The following SCN1B variants were observed in gnomAD, a reference collection of about 807,000 sequenced individuals.
SCN1B encodes the protein sodium channel regulatory subunit beta-1.
In SCN1B, 11 loss-of-function variants were observed where a neutral mutation model predicts 25.7. The observed-to-expected ratio is 0.43, with a 90% CI of 0.27 to 0.71. The LOEUF (loss-of-function observed/expected upper bound fraction) is 0.71, where lower values mean the gene tolerates loss of function less well. SCN1B is among the 30% of genes least tolerant of loss of function. The pLI is 0.21. For synonymous variants in SCN1B, 119 were observed against 117.5 expected (o/e 1.01, Z -0.08); for missense variants, 224 against 291.5 (o/e 0.77, Z 1.69).
At chr19:35,038,806 C>A in intron 3 of SCN1B, 1 of 441,744 alleles carries the variant, frequency 2.3e-6, no homozygotes, top group Non-Finnish European at 4.3e-6. Flanking sequence ...GAGTCACTTG[C>A]GCAAGGTCAC....
At position 35,034,248 on chromosome 19, in the gene SCN1B, G is replaced by C. The variant is rs1044171971; in HGVS notation, c.448+509G>C. The C allele has an allele frequency of 3.8e-5, 53 of 1,384,024 alleles. No individual in the cohort carries two copies. The Admixed American group carries it at 4.3e-4, about 11-fold the overall frequency. The allele number at this position is 1,384,024 out of a possible 1,614,324, so 85.7% of individuals were successfully genotyped here. A position where few individuals can be genotyped will look rare whatever the true frequency, so the allele number is the denominator to read the frequency against. On this transcript the variant is annotated intron_variant, in intron 3 of 5. Coordinates refer to ENST00000262631, the MANE Select transcript of SCN1B (RefSeq NM_001037.5). ...TGCCCTCTGTGGTGATGAGGCAAGAGAGCGTGCCACCTAGAGCAGAGTTCC... is the reference window on the plus strand; with the variant it reads ...TGCCCTCTGTGGTGATGAGGCAAGACAGCGTGCCACCTAGAGCAGAGTTCC...
chr19:35,040,035 C>T lies in SCN1B; in HGVS notation c.*244C>T. On this transcript the variant is annotated 3_prime_UTR_variant, in exon 6 of 6. Transcript: ENST00000262631. ...GATGGGTAAAGCAATACTGCCGCTG[C>T]CCCCACCCTGCTTCTGCTGCCTGTT... The T allele has an allele frequency of 2.6e-6, 1 of 384,688 alleles. No homozygotes were observed. The highest frequency in any genetic ancestry group is 4.9e-6 in the Non-Finnish European group (1 of 204,024). The allele number at this position is 384,688 out of a possible 1,614,324, so 23.8% of individuals were successfully genotyped here.
At position 35,040,133 on chromosome 19, in the gene SCN1B, G is replaced by C. The variant is rs1405593235; in HGVS notation, c.*342G>C. 4.8e-6 allele frequency: 1 copy of C among 207,822 alleles called. No homozygotes were observed. Among genetic ancestry groups the C allele is most frequent in the Non-Finnish European group, 1.0e-5 (1 of 100,102 alleles). 12.9% of individuals were successfully genotyped at this position (207,822 alleles called of 1,614,324 possible). On this transcript the variant is annotated 3_prime_UTR_variant, in exon 6 of 6. Coordinates refer to ENST00000262631, the MANE Select transcript of SCN1B (RefSeq NM_001037.5). ...CCTTGCTGATTTGCACACATTGGCC[G>C]CTTCAGACACGCACTTCTGGGGCCA...
intron 2 of SCN1B, among the ~76,000 whole-genome samples, chr19:35,033,288 C>T (rs1222701518): frequency 6.6e-6 from 1 of 152,024 alleles, no homozygotes. Context: ...TGCTCGTGTG[C>T]ATCTTGGCTA....
intron 3 of SCN1B, chr19:35,034,328 T>G: frequency 3.0e-6 from 2 of 668,862 alleles, no homozygotes; most frequent in Middle Eastern, 4.3e-4. Context: ...GCAGTCTCAC[T>G]CAACACCTCT....
intron 3 of SCN1B, chr19:35,034,212 C>A: frequency 6.6e-7 from 1 of 1,506,592 alleles, no homozygotes; most frequent in Non-Finnish European, 8.9e-7. Flanking sequence ...GTTCGAGTAG[C>A]TCAGCCCTGC....
In SCN1B at chr19:35,030,866, T is replaced by A; in HGVS notation, c.40+6T>A. 1.3e-6 allele frequency: 1 copy of A among 775,494 alleles called. No homozygotes were observed. Among genetic ancestry groups the A allele is most frequent in the Non-Finnish European group, 1.6e-6 (1 of 611,178 alleles). 48.0% of individuals were successfully genotyped at this position (775,494 alleles called of 1,614,324 possible). ...AGTGGTCGGCGCGGCACTGGGTGAG[T>A]GCGCGGGGGGCGCGCGCGGCCGGGG... is the stretch of plus-strand genomic sequence containing the variant. On this transcript the variant is annotated splice_donor_region_variant and intron_variant, in intron 1 of 5. Coordinates refer to ENST00000262631, the MANE Select transcript of SCN1B (RefSeq NM_001037.5).
chr19:35,039,269 T>A lies in SCN1B; in HGVS notation c.590+11T>A. 1 of 1,611,190 alleles carries A rather than the reference T, an allele frequency of 6.2e-7. No homozygotes were observed. The highest frequency in any genetic ancestry group is 8.5e-7 in the Non-Finnish European group (1 of 1,179,888). ...TGCACAGGAGAATGCGTGAGTAGGG[T>A]GGCTGGGAGGTGGGAGGGCACCCAG... On this transcript the variant is annotated intron_variant, in intron 4 of 5. Coordinates refer to ENST00000262631, the MANE Select transcript of SCN1B (RefSeq NM_001037.5).
rs1208539230 is a variant in SCN1B at position 35,039,707 on chromosome 19, G to A, written c.*5+1G>A. ...GCGTCCAGGTGGCCGAATAGCCCTGGTAAGGCGGATGGGCTGGCAGAGGGG... is the reference window on the plus strand; with the variant it reads ...GCGTCCAGGTGGCCGAATAGCCCTGATAAGGCGGATGGGCTGGCAGAGGGG... On this transcript the variant is annotated splice_donor_variant, in intron 5 of 5. Coordinates refer to ENST00000262631, the MANE Select transcript of SCN1B (RefSeq NM_001037.5). LOFTEE classifies it low-confidence loss of function (3UTR_SPLICE). The A allele has an allele frequency of 1.9e-6, 3 of 1,614,114 alleles. No individual in the cohort carries two copies. Among genetic ancestry groups the A allele is most frequent in the Non-Finnish European group, 2.5e-6 (3 of 1,179,974 alleles).
chr19:35,039,404 T>G, intron 4 of SCN1B, 146 bp downstream of exon 4: 1 of 1,202,818 alleles, frequency 8.3e-7, no homozygotes. Flanking sequence ...GTGCTCCCTG[T>G]CAGACACAGG....
At chr19:35,039,365 C>T (rs1005749578) in intron 4 of SCN1B, 107 bp downstream of exon 4, 150 of 1,496,512 alleles carry the variant, frequency 1.0e-4, no homozygotes, top group Non-Finnish European at 1.3e-4. Context: ...CGGCCCAGGG[C>T]GCCATCTCTC....
In SCN1B at chr19:35,032,497, T is replaced by G. The variant is rs2064220069; in HGVS notation, c.41-31T>G. The stretch of plus-strand genomic sequence containing the variant: ...GGCATTGCTTAGGGCAATGGGTGCC[T>G]CTGCCTGACCTGAGCCTGCTGTCCC... On this transcript the variant is annotated intron_variant, in intron 1 of 5. Coordinates refer to ENST00000262631, the MANE Select transcript of SCN1B (RefSeq NM_001037.5). The surrounding 1 kb of genome is among the most constrained non-coding windows in gnomAD (Gnocchi z 4.3). 2 of 1,612,058 alleles carry G rather than the reference T, an allele frequency of 1.2e-6. No individual in the cohort carries two copies. Among genetic ancestry groups the G allele is most frequent in the Non-Finnish European group, 1.7e-6 (2 of 1,179,966 alleles).
Position 35,033,705 on chromosome 19 carries a change from C to G in SCN1B, c.414C>G (p.Val138=), listed in dbSNP as rs757116018. 2 of 1,614,058 alleles carry G rather than the reference C, an allele frequency of 1.2e-6. No homozygotes were observed. Among genetic ancestry groups the G allele is most frequent in the African/African-American group, 2.7e-5 (2 of 74,914 alleles). The part of the protein sequence containing the change: ...FFENYEHNTS[V]VKKIHIEVVD... ...AAAACTACGAGCACAACACCAGCGT[C>G]GTCAAGAAGATCCACATTGAGGTAG... The change falls in exon 3 of 6, where the codon GTC becomes GTG. Residue 138 remains valine, a synonymous_variant. Transcript: ENST00000262631.
At position 35,030,727 on chromosome 19, in the gene SCN1B, G is replaced by T; in HGVS notation, c.-94G>T. On this transcript the variant is annotated 5_prime_UTR_variant, in exon 1 of 6. Coordinates refer to ENST00000262631, the MANE Select transcript of SCN1B (RefSeq NM_001037.5). ...GCAGCTGCTGCGCCCGCGCGCTCCC[G>T]GGGACATTCTAACCGCCGCCAGGTC... 5.4e-6 allele frequency: 2 copies of T among 370,956 alleles called. No individual in the cohort carries two copies. Among genetic ancestry groups the T allele is most frequent in the South Asian group, 2.4e-5 (1 of 42,464 alleles). The allele number at this position is 370,956 out of a possible 1,614,324, so 23.0% of individuals were successfully genotyped here. A position where few individuals can be genotyped will look rare whatever the true frequency, so the allele number is the denominator to read the frequency against.
chr19:35,033,841 C>T, intron 3 of SCN1B, 102 bp downstream of exon 3: 1 of 1,611,876 alleles, frequency 6.2e-7, no homozygotes, highest in African/African-American at 1.3e-5. Flanking sequence ...CTGTGCCTGG[C>T]CAGCCAACCG....
Position 35,032,652 on chromosome 19 carries a change from C to T in SCN1B, c.165C>T (p.Thr55=), listed in dbSNP as rs768325106. ...RRSETNAETF[T]EWTFRQKGTE... ...GCGAGACCAACGCTGAGACCTTCAC[C>T]GAGTGGACCTTCCGCCAGAAGGGCA... Residue 55 remains threonine (T), a synonymous_variant, in exon 2 of 6, where the codon ACC becomes ACT. Transcript: ENST00000262631. This position sits in a 1 kb window ranked among gnomAD's most constrained non-coding sequence, Gnocchi z 4.3. The T allele has an allele frequency of 1.1e-5, 18 of 1,613,992 alleles. No individual in the cohort carries two copies. Among genetic ancestry groups the T allele is most frequent in the Admixed American group, 3.3e-5 (2 of 60,018 alleles).
intron 2 of SCN1B, 136 bp from the exon 3 acceptor site, chr19:35,033,363 T>C (rs2064226469): frequency 7.0e-7 from 1 of 1,438,410 alleles, no homozygotes; most frequent in South Asian, 1.2e-5. Context: ...GTGCCCTCCC[T>C]GCCTGAGGTC....
rs764848712 is a variant in SCN1B at position 35,033,943 on chromosome 19, AG to A, written c.448+205del. 1.3e-6 allele frequency: 2 copies of A among 1,555,772 alleles called. No individual in the cohort carries two copies. The highest frequency in any genetic ancestry group is 2.7e-5 in the African/African-American group (2 of 73,158). On this transcript the variant is annotated intron_variant, in intron 3 of 5. Coordinates refer to ENST00000262631, the MANE Select transcript of SCN1B (RefSeq NM_001037.5). ...TCTCTCCAGCCCACGGAGAGGTCAA[AG>A]CATGCCTGTCCCCCACAGACGCTCC...
intron 3 of SCN1B, chr19:35,037,160 T>C (rs1029624009): frequency 6.6e-6 from 1 of 152,092 alleles, no homozygotes; most frequent in Non-Finnish European, 1.5e-5. Context: ...GCCATTTCCA[T>C]AGGTGGAGGC....
Sources: gnomAD v4.1 joint callset for allele counts (sites outside exome capture counted in the v4.1 genomes callset) on GRCh38, gnomAD v4.1.1 for gene constraint, Gnocchi (gnomAD v3.1) non-coding constraint, MANE v1.5 for transcripts, NCBI Gene and HGNC (gene_info 2026-07-23, HGNC 2026-07-21) for gene names.